CACNA1C: variants seen among roughly 807,000 people sequenced by gnomAD.
The protein encoded by CACNA1C is calcium voltage-gated channel subunit alpha1 C.
Under a neutral mutation model 229.0 loss-of-function variants are expected in CACNA1C, and 30 were observed. That is an observed-to-expected ratio of 0.13 (90% CI 0.10 to 0.18). CACNA1C has a LOEUF of 0.18. Among genes scored for constraint, CACNA1C ranks in the 10% least tolerant of loss-of-function variants. The pLI is 1.00. For missense variants in CACNA1C, 1,658 were observed against 2,845.0 expected, an observed-to-expected ratio of 0.58 and a Z score of 9.49; for synonymous variants, 1,114 against 1,132.5, an observed-to-expected ratio of 0.98 and a Z score of 0.33.
intron 3 of CACNA1C, 69 bp from the exon 4 acceptor site, chr12:2,448,907 T>C (rs2099327053): frequency 7.4e-7 from 1 of 1,343,042 alleles, no homozygotes; most frequent in Non-Finnish European, 1.0e-6. Context: ...TGAGATCTAC[T>C]GGTTCCAAAC....
At chr12:2,075,235 T>G (rs2062761051) in intron 1 of CACNA1C, among the ~76,000 whole-genome samples, 1 of 152,152 alleles carries the variant, frequency 6.6e-6, no homozygotes, top group African/African-American at 2.4e-5. Context: ...TAACCATTGT[T>G]TATGGAGCCC....
intron 42 of CACNA1C, chr12:2,682,028 T>C (rs2153815640): frequency 6.2e-7 from 1 of 1,609,152 alleles, no homozygotes; most frequent in Non-Finnish European, 8.5e-7. Context: ...CTCACTGCCT[T>C]CTGCTCAGGA....
chr12:2,184,636 C>T (rs1213276429), intron 3 of CACNA1C, among the ~76,000 whole-genome samples: 1 of 152,188 alleles, frequency 6.6e-6, no homozygotes, highest in African/African-American at 2.4e-5. Context: ...TTTATCTGTT[C>T]AACAACTATT....
intron 43 of CACNA1C, among the ~76,000 whole-genome samples, 189 bp downstream of exon 43, chr12:2,682,867 AACACACACACACCAC>A (rs1569246678): frequency 8.4e-3 from 24 of 2,872 alleles, no homozygotes; most frequent in Non-Finnish European, 0.029. Flanking sequence ...AACACACACA[AACACACACACACCAC>A]ACACACACAC....
intron 3 of CACNA1C, among the ~76,000 whole-genome samples, chr12:2,303,443 G>A (rs2094740036): frequency 6.6e-6 from 1 of 152,120 alleles, no homozygotes; most frequent in Non-Finnish European, 1.5e-5. Context: ...CCGCCCTCAT[G>A]CCCTCATTTT....
At position 2,665,402 on chromosome 12, in the gene CACNA1C, C is replaced by T. The variant is rs1277101446; in HGVS notation, c.4399-179C>T. On this transcript the variant is annotated intron_variant, in intron 35 of 46. Transcript: ENST00000399655. This position sits in a 1 kb window ranked among gnomAD's most constrained non-coding sequence, Gnocchi z 5.9. ...CTGTGGGTTCATCACACACAACTCT[C>T]AGGGAAACTGTGTCAAGTTTATGTC... 6.6e-6 allele frequency among the ~76,000 whole-genome samples: 1 copy of T among 152,174 alleles called. No homozygotes were observed. The highest frequency in any genetic ancestry group is 1.5e-5 in the Non-Finnish European group (1 of 68,036).
chr12:2,641,854 G>C, intron 30 of CACNA1C: 2 of 693,058 alleles, frequency 2.9e-6, no homozygotes, highest in Non-Finnish European at 5.3e-6. Context: ...CTCTGCTTAA[G>C]AGTATGGCTG....
chr12:2,462,305 T>TC (rs375272255), intron 5 of CACNA1C, among the ~76,000 whole-genome samples: 48 of 109,644 alleles, frequency 4.4e-4, no homozygotes, highest in South Asian at 9.0e-4. Flanking sequence ...GGCTCAGCTC[T>TC]CATACAGGCC....
At chr12:1,999,648 C>T (rs1235160004) in intron 1 of CACNA1C, among the ~76,000 whole-genome samples, 1 of 152,080 alleles carries the variant, frequency 6.6e-6, no homozygotes, top group Non-Finnish European at 1.5e-5. Flanking sequence ...ATTGCTTCAG[C>T]CCAGGAGTTT....
intron 3 of CACNA1C, among the ~76,000 whole-genome samples, chr12:2,205,012 G>A (rs1452890514): frequency 1.3e-5 from 2 of 151,276 alleles, no homozygotes; most frequent in Admixed American, 6.6e-5. Flanking sequence ...TCATGCTCAC[G>A]TTCCTCCCCA....
intron 1 of CACNA1C, chr12:1,992,183 C>A: frequency 5.8e-6 from 1 of 170,976 alleles, no homozygotes. Context: ...CAAAACTTTT[C>A]ATTTCACAGG....
chr12:2,688,710 C>T lies in CACNA1C; in HGVS notation c.6048C>T (p.Leu2016=), dbSNP rs2153867279. ...CCCGGAGAGTCCGGCCCGTCTCCCT[C>T]ATGGTGCCCAGCCAGGCTGGGGCCC... The part of the protein sequence containing the change: ...SAARRVRPVS[L]MVPSQAGAPG... Residue 2016 remains leucine, a synonymous_variant, in exon 46 of 47, where the codon CTC becomes CTT. Coordinates refer to ENST00000399655, the MANE Select transcript of CACNA1C (RefSeq NM_000719.7). The T allele has an allele frequency of 6.2e-7, 1 of 1,608,468 alleles. No homozygotes were observed. Among genetic ancestry groups the T allele is most frequent in the East Asian group, 2.2e-5 (1 of 44,732 alleles).
At chr12:2,072,173 A>G (rs894416583) in intron 1 of CACNA1C, among the ~76,000 whole-genome samples, 1 of 150,352 alleles carries the variant, frequency 6.7e-6, no homozygotes, top group Non-Finnish European at 1.5e-5. Flanking sequence ...ACAAGATTAT[A>G]TATATACAAA....
At chr12:2,232,851 T>A (rs1213060678) in intron 3 of CACNA1C, among the ~76,000 whole-genome samples, 1 of 152,200 alleles carries the variant, frequency 6.6e-6, no homozygotes, top group Non-Finnish European at 1.5e-5. Flanking sequence ...CTACTGTTAA[T>A]TTATTTTCTT....
intron 14 of CACNA1C, among the ~76,000 whole-genome samples, chr12:2,582,517 C>A (rs566944778): frequency 6.6e-6 from 1 of 152,180 alleles, no homozygotes; most frequent in Non-Finnish European, 1.5e-5. Context: ...AGGGTCCTGA[C>A]GCCTTACCCC....
chr12:2,451,866 G>T (rs928920510), intron 4 of CACNA1C, among the ~76,000 whole-genome samples: 3 of 152,194 alleles, frequency 2.0e-5, no homozygotes, highest in Admixed American at 1.3e-4. Flanking sequence ...CTCGTGGTTG[G>T]TCTTGCACTG....
At chr12:1,979,032 C>T (rs1412932905) in intron 1 of CACNA1C, among the ~76,000 whole-genome samples, 7 of 152,284 alleles carry the variant, frequency 4.6e-5, no homozygotes, top group African/African-American at 1.7e-4. Flanking sequence ...CATGTGCTTT[C>T]GGAGTCTCAC....
intron 3 of CACNA1C, among the ~76,000 whole-genome samples, chr12:2,204,942 A>G (rs2097709164): frequency 7.6e-6 from 1 of 131,280 alleles, no homozygotes; most frequent in South Asian, 2.6e-4. Flanking sequence ...TTTAATAAAA[A>G]AAAATAAATT....
chr12:2,254,067 C>T (rs969085538), intron 3 of CACNA1C, among the ~76,000 whole-genome samples: 2 of 152,212 alleles, frequency 1.3e-5, no homozygotes, highest in African/African-American at 4.8e-5. Context: ...TGACCAACCT[C>T]ACCTGGGCAC....
Sources: gnomAD v4.1 joint callset for allele counts (sites outside exome capture counted in the v4.1 genomes callset) on GRCh38, gnomAD v4.1.1 for gene constraint, Gnocchi (gnomAD v3.1) non-coding constraint, MANE v1.5 for transcripts, NCBI Gene and HGNC (gene_info 2026-07-23, HGNC 2026-07-21) for gene names.